Variants in HSD17B7 observed in about 807,000 individuals in gnomAD.
HSD17B7 encodes hydroxysteroid 17-beta dehydrogenase 7.
A neutral mutation model predicts 34.1 loss-of-function variants in HSD17B7; 17 were observed. The observed-to-expected ratio is 0.50, with a 90% CI of 0.34 to 0.75. HSD17B7 has a LOEUF of 0.75. HSD17B7 is among the 30% of genes least tolerant of loss of function. The pLI, the probability that HSD17B7 is intolerant of heterozygous loss-of-function variation, is 0.01. For synonymous variants in HSD17B7, 122 were observed against 154.6 expected (o/e 0.79, Z 1.56); for missense variants, 296 against 406.6 (o/e 0.73, Z 2.34).
At chr1:162,808,914 A>G (rs1387298875) in intron 8 of HSD17B7, among the ~76,000 whole-genome samples, 2 of 152,308 alleles carry the variant, frequency 1.3e-5, no homozygotes, top group African/African-American at 4.8e-5. Context: ...TAATTTGCAA[A>G]CAGGGACAAT....
At position 162,812,463 on chromosome 1, in the gene HSD17B7, C is replaced by T; in HGVS notation, c.*43C>T. On this transcript the variant is annotated 3_prime_UTR_variant, in exon 9 of 9. Coordinates refer to ENST00000254521, the MANE Select transcript of HSD17B7 (RefSeq NM_016371.4). ...GCCAAGGCAGAAGGATCACTTGAGA[C>T]CAGGAGTTCAAGACCAGCCTGAGAA... is the stretch of plus-strand genomic sequence containing the variant. The T allele has an allele frequency of 1.3e-6, 2 of 1,544,946 alleles. No homozygotes were observed. The highest frequency in any genetic ancestry group is 8.8e-7 in the Non-Finnish European group (1 of 1,136,710).
At chr1:162,808,777 AT>A (rs1558097639) in intron 8 of HSD17B7, among the ~76,000 whole-genome samples, 17 of 152,148 alleles carry the variant, frequency 1.1e-4, no homozygotes, top group African/African-American at 4.1e-4. Flanking sequence ...TTTGTCTGTT[AT>A]TGGTGTATAA....
At chr1:162,811,044 C>T (rs1384968019) in intron 8 of HSD17B7, among the ~76,000 whole-genome samples, 2 of 151,844 alleles carry the variant, frequency 1.3e-5, no homozygotes, top group Non-Finnish European at 2.9e-5. Context: ...TTCCTAGCAT[C>T]GCTGGTCTTT....
At chr1:162,800,645 G>A (rs995168020) in intron 5 of HSD17B7, among the ~76,000 whole-genome samples, 3 of 152,148 alleles carry the variant, frequency 2.0e-5, no homozygotes, top group Non-Finnish European at 4.4e-5. Context: ...TGTTGCCCAG[G>A]TCTAAATTCT....
At position 162,796,593 on chromosome 1, in the gene HSD17B7, G is replaced by T; in HGVS notation, c.248G>T (p.Arg83Ile). The part of the protein sequence containing the change: ...ASKELKQRFQ[R>I]LDCIYLNAGI... ...TGGTGGTTTACTTGCAGGTTTCAGA[G>T]ATTAGACTGTATATATCTAAATGCT... Residue 83 changes from arginine to isoleucine, a missense_variant, in exon 3 of 9, where the codon AGA becomes ATA. Arg to Ile is a moderately conservative substitution (Grantham distance 97). Coordinates refer to ENST00000254521, the MANE Select transcript of HSD17B7 (RefSeq NM_016371.4). 1 of 1,605,254 alleles carries T rather than the reference G, an allele frequency of 6.2e-7. No individual in the cohort carries two copies. The highest frequency in any genetic ancestry group is 8.5e-7 in the Non-Finnish European group (1 of 1,172,176).
chr1:162,795,200 A>G lies in HSD17B7; in HGVS notation c.240-1385A>G, dbSNP rs188203173. The stretch of plus-strand genomic sequence containing the variant: ...TCTCTTCAGTTCTAAGTCTGAAATA[A>G]ACTAGAGCTAAAGAGAGCTTGAGAA... On this transcript the variant is annotated intron_variant, in intron 2 of 8. Transcript: ENST00000254521. Among the ~76,000 whole-genome samples, 202 of 152,322 alleles carry G rather than the reference A, an allele frequency of 1.3e-3. 2 individuals carry two copies. The highest frequency in any genetic ancestry group is 4.5e-3 in the African/African-American group (187 of 41,580).
chr1:162,799,629 A>G, intron 4 of HSD17B7, 114 bp from the exon 5 acceptor site: 1 of 643,426 alleles, frequency 1.6e-6, no homozygotes, highest in South Asian at 2.1e-5. Context: ...TTAGATAACT[A>G]GTTAATACTG....
Position 162,796,669 on chromosome 1 carries a change from C to T in HSD17B7, c.324C>T (p.Leu108=). 1.2e-6 allele frequency: 2 copies of T among 1,603,344 alleles called. No homozygotes were observed. The highest frequency in any genetic ancestry group is 1.7e-6 in the Non-Finnish European group (2 of 1,170,302). The stretch of plus-strand genomic sequence containing the variant: ...ATATCAAAGCACTTTTCTTTGGCCT[C>T]TTTTCAAGGTAATTTTCGTTTTATG... The part of the protein sequence containing the change: ...QLNIKALFFG[L]FSRKVIHMFS... Residue 108 remains leucine, a synonymous_variant, in exon 3 of 9, where the codon CTC becomes CTT. Coordinates refer to ENST00000254521, the MANE Select transcript of HSD17B7 (RefSeq NM_016371.4).
intron 5 of HSD17B7, among the ~76,000 whole-genome samples, chr1:162,800,509 C>T (rs1044140457): frequency 1.3e-5 from 2 of 152,166 alleles, no homozygotes; most frequent in Non-Finnish European, 2.9e-5. Context: ...AGGTAAGACT[C>T]CAGAGCTCTG....
At chr1:162,805,365 C>T (rs1375852017) in intron 7 of HSD17B7, 29 bp from the exon 8 acceptor site, 1 of 1,609,210 alleles carries the variant, frequency 6.2e-7, no homozygotes, top group Non-Finnish European at 8.5e-7. Flanking sequence ...GCAGAAGAAA[C>T]AAATCATTGA....
intron 8 of HSD17B7, among the ~76,000 whole-genome samples, chr1:162,811,085 A>G (rs1007398616): frequency 2.6e-5 from 4 of 152,156 alleles, no homozygotes; most frequent in African/African-American, 9.7e-5. Flanking sequence ...AGTGGCTGGT[A>G]CCGGTTGTTC....
At chr1:162,805,638 T>C in intron 8 of HSD17B7, 146 bp downstream of exon 8, 1 of 1,270,344 alleles carries the variant, frequency 7.9e-7, no homozygotes. Flanking sequence ...TTTTATTTCA[T>C]CCTGCTCCCT....
chr1:162,799,085 T>G (rs1267023757), intron 4 of HSD17B7: 2 of 156,032 alleles, frequency 1.3e-5, no homozygotes, highest in Non-Finnish European at 2.9e-5. Context: ...GAGTGGGTTA[T>G]CTACAGAAAT....
chr1:162,797,994 T>G, intron 4 of HSD17B7, 78 bp downstream of exon 4: 2 of 1,506,040 alleles, frequency 1.3e-6, no homozygotes, highest in Non-Finnish European at 1.8e-6. Flanking sequence ...GGCATTATTA[T>G]AGTTGAGCAG....
At chr1:162,797,720 G>T (rs951759561) in intron 3 of HSD17B7, 82 bp from the exon 4 acceptor site, 16 of 1,546,026 alleles carry the variant, frequency 1.0e-5, no homozygotes, top group Non-Finnish European at 1.3e-5. Context: ...TTATGGGTCG[G>T]GGGGATGGGT....
At chr1:162,801,046 C>G (rs1648798794) in intron 5 of HSD17B7, among the ~76,000 whole-genome samples, 1 of 152,166 alleles carries the variant, frequency 6.6e-6, no homozygotes, top group Non-Finnish European at 1.5e-5. Flanking sequence ...GTGGCACAAT[C>G]ATGGCTCACT....
chr1:162,810,141 T>C lies in HSD17B7; in HGVS notation c.904-2157T>C, dbSNP rs575555320. 2.2e-3 allele frequency among the ~76,000 whole-genome samples: 333 copies of C among 152,334 alleles called. 2 individuals are homozygous for C. The highest frequency in any genetic ancestry group is 7.6e-3 in the African/African-American group (314 of 41,572). ...TTTAAATGTGTCCCAGAGATTCTGGTGTGTTGTGTCTTTGTTCTCATTGGT... is the reference window on the plus strand; with the variant it reads ...TTTAAATGTGTCCCAGAGATTCTGGCGTGTTGTGTCTTTGTTCTCATTGGT... On this transcript the variant is annotated intron_variant, in intron 8 of 8. Transcript: ENST00000254521.
chr1:162,797,286 A>C (rs372854355), intron 3 of HSD17B7: 1 of 158,410 alleles, frequency 6.3e-6, no homozygotes, highest in African/African-American at 2.4e-5. Context: ...ACACACACAC[A>C]CTCTCACACT....
chr1:162,799,822 A>G lies in HSD17B7; in HGVS notation c.527A>G (p.Lys176Arg). 6.2e-7 allele frequency: 1 copy of G among 1,614,074 alleles called. No individual in the cohort carries two copies. Among genetic ancestry groups the G allele is most frequent in the Non-Finnish European group, 8.5e-7 (1 of 1,179,986 alleles). ...TGGACATCATCTCGCAGTGCAAGGA[A>G]ATCTAATTTCAGCCTCGAGGACTTC... Reference protein sequence around the residue: ...LIWTSSRSARKSNFSLEDFQH... With the variant: ...LIWTSSRSARRSNFSLEDFQH... Residue 176 changes from lysine to arginine, a missense_variant, in exon 5 of 9, where the codon AAA becomes AGA. Transcript: ENST00000254521.
Sources: allele counts gnomAD v4.1 joint callset (sites outside exome capture counted in the v4.1 genomes callset), GRCh38; gene constraint gnomAD v4.1.1; transcripts MANE v1.5; gene names NCBI Gene and HGNC (gene_info 2026-07-23, HGNC 2026-07-21).